The following GNAO1 variants were observed in gnomAD, a reference collection of about 807,000 sequenced individuals.
GNAO1 encodes G protein subunit alpha o1.
For missense variants in GNAO1, 166 were observed against 478.7 expected, an observed-to-expected ratio of 0.35 and a Z score of 6.10; for synonymous variants, 164 against 180.7, an observed-to-expected ratio of 0.91 and a Z score of 0.74.
chr16:56,265,838 A>G (rs1196522618), intron 2 of GNAO1, among the ~76,000 whole-genome samples: 1 of 152,096 alleles, frequency 6.6e-6, no homozygotes, highest in Non-Finnish European at 1.5e-5. Context: ...AAAAATTTTG[A>G]GTAGTACATT....
At chr16:56,313,323 T>A (rs145439152) in intron 3 of GNAO1, among the ~76,000 whole-genome samples, 1,976 of 152,282 alleles carry the variant, frequency 0.013, 30 homozygotes, top group Non-Finnish European at 0.018. Flanking sequence ...GTTATATCTA[T>A]CAATTTTTAT....
intron 2 of GNAO1, among the ~76,000 whole-genome samples, chr16:56,239,119 C>T (rs570864263): frequency 1.3e-5 from 2 of 152,358 alleles, no homozygotes; most frequent in East Asian, 3.9e-4. Context: ...ACATCACAGA[C>T]TCACATCTTG....
At chr16:56,222,584 T>C (rs767241030) in intron 2 of GNAO1, among the ~76,000 whole-genome samples, 5 of 152,280 alleles carry the variant, frequency 3.3e-5, no homozygotes, top group East Asian at 1.9e-4. Flanking sequence ...TTCTATGAGA[T>C]TGTAACCCCT....
chr16:56,222,048 A>G (rs2036494683), intron 2 of GNAO1, among the ~76,000 whole-genome samples: 1 of 152,180 alleles, frequency 6.6e-6, no homozygotes, highest in African/African-American at 2.4e-5. Context: ...AAGTTTTGCA[A>G]TGGAGTTTAC....
intron 2 of GNAO1, among the ~76,000 whole-genome samples, chr16:56,272,742 C>T (rs986439178): frequency 6.6e-6 from 1 of 152,196 alleles, no homozygotes; most frequent in South Asian, 2.1e-4. Context: ...TAAAATCCCA[C>T]CCTTTCCACC....
chr16:56,348,149 A>G (rs1596880236), intron 6 of GNAO1: 2 of 975,224 alleles, frequency 2.1e-6, no homozygotes, highest in Middle Eastern at 5.2e-4. Context: ...ATTGGCTGCC[A>G]TAATGTATTT....
rs530986853 is a variant in GNAO1, at chr16:56,355,154, A to G, written c.*28+73A>G. The stretch of plus-strand genomic sequence containing the variant: ...CACACACACACACACACACACACAC[A>G]CCACTAACAAATGCAAGTTGGTAAA... On this transcript the variant is annotated intron_variant, in intron 8 of 8. Transcript: ENST00000262493. 6 of 508,502 alleles carry G rather than the reference A, an allele frequency of 1.2e-5. 1 individual carries two copies. In the South Asian group the frequency reaches 2.0e-4, roughly 17 times the overall value. 31.5% of individuals were successfully genotyped at this position (508,502 alleles called of 1,614,324 possible).
chr16:56,211,100 T>A (rs1420072669), intron 2 of GNAO1, among the ~76,000 whole-genome samples: 4 of 152,224 alleles, frequency 2.6e-5, no homozygotes, highest in Admixed American at 2.6e-4. Flanking sequence ...CTATTTCTGC[T>A]GACTTCCAAG....
At chr16:56,242,512 C>T (rs2036703089) in intron 2 of GNAO1, among the ~76,000 whole-genome samples, 2 of 152,004 alleles carry the variant, frequency 1.3e-5, no homozygotes, top group Admixed American at 6.6e-5. Flanking sequence ...CAGGAATAAA[C>T]TTATACATCT....
chr16:56,300,035 G>GTGTGTA (rs1309974998), intron 3 of GNAO1, among the ~76,000 whole-genome samples: 1 of 96,858 alleles, frequency 1.0e-5, no homozygotes, highest in Non-Finnish European at 2.0e-5. Context: ...GTGTGTGTGT[G>GTGTGTA]TGCGCGCGCG....
intron 3 of GNAO1, among the ~76,000 whole-genome samples, chr16:56,317,163 C>T (rs1213903606): frequency 6.6e-6 from 1 of 152,204 alleles, no homozygotes; most frequent in Non-Finnish European, 1.5e-5. Flanking sequence ...TGGGTCCAGG[C>T]AGGGAAGGTT....
At chr16:56,329,981 C>A (rs572539306) in intron 4 of GNAO1, among the ~76,000 whole-genome samples, 1 of 152,346 alleles carries the variant, frequency 6.6e-6, no homozygotes, top group South Asian at 2.1e-4. Context: ...AAACCCTGAT[C>A]TACGCAATGC....
chr16:56,243,652 G>A (rs2036715065), intron 2 of GNAO1, among the ~76,000 whole-genome samples: 1 of 151,962 alleles, frequency 6.6e-6, no homozygotes, highest in Non-Finnish European at 1.5e-5. Context: ...AGCCCAGGAG[G>A]GTAGGGGGTG....
chr16:56,276,127 A>C, intron 3 of GNAO1, 55 bp downstream of exon 3: 1 of 1,493,900 alleles, frequency 6.7e-7, no homozygotes, highest in Non-Finnish European at 9.2e-7. Flanking sequence ...GTGTTACCCC[A>C]CTGCCTCCTC....
intron 3 of GNAO1, among the ~76,000 whole-genome samples, chr16:56,317,735 A>G (rs1196790942): frequency 6.6e-6 from 1 of 152,020 alleles, no homozygotes; most frequent in Non-Finnish European, 1.5e-5. Flanking sequence ...AGAAGGGATG[A>G]TGGGTGGATT....
At chr16:56,198,824 A>AG (rs1234045028) in intron 2 of GNAO1, among the ~76,000 whole-genome samples, 3 of 152,214 alleles carry the variant, frequency 2.0e-5, no homozygotes, top group African/African-American at 4.8e-5. Flanking sequence ...GAGAAGCAGA[A>AG]GGGGGGTGCT....
chr16:56,336,695 T>C, intron 5 of GNAO1, 36 bp from the exon 6 acceptor site: 1 of 1,581,620 alleles, frequency 6.3e-7, no homozygotes, highest in Non-Finnish European at 8.6e-7. Flanking sequence ...CTCACCTGCC[T>C]GGACCCTGCG....
At chr16:56,304,291 C>T (rs2037372587) in intron 3 of GNAO1, among the ~76,000 whole-genome samples, 1 of 152,248 alleles carries the variant, frequency 6.6e-6, no homozygotes, top group African/African-American at 2.4e-5. Context: ...GGCCTGTGTT[C>T]TCTTTAATCC....
At chr16:56,227,715 A>G (rs2036545296) in intron 2 of GNAO1, among the ~76,000 whole-genome samples, 1 of 142,728 alleles carries the variant, frequency 7.0e-6, no homozygotes, top group African/African-American at 2.6e-5. Context: ...AAAAAAAAGA[A>G]TTATGGTCTT....
Sources: allele counts gnomAD v4.1 joint callset (sites outside exome capture counted in the v4.1 genomes callset), GRCh38; gene constraint gnomAD v4.1.1; transcripts MANE v1.5; gene names NCBI Gene and HGNC (gene_info 2026-07-23, HGNC 2026-07-21).